Variants in C4orf17 observed in about 807,000 individuals in gnomAD.
The protein encoded by C4orf17 is chromosome 4 open reading frame 17.
In C4orf17, 25 loss-of-function variants were observed where a neutral mutation model predicts 32.0. That is an observed-to-expected ratio of 0.78 (90% CI 0.57 to 1.09). C4orf17 has a LOEUF of 1.09. Ranked by LOEUF, C4orf17 falls within the 50% of genes least tolerant of loss-of-function variation. The pLI, the probability that C4orf17 is intolerant of heterozygous loss-of-function variation, is 0.00. For synonymous variants in C4orf17, 149 were observed against 145.8 expected (o/e 1.02, Z -0.16); for missense variants, 420 against 420.0 (o/e 1.00, Z 0.00).
At chr4:99,512,483 A>G (rs945002767) in intron 1 of C4orf17, among the ~76,000 whole-genome samples, 21 of 152,204 alleles carry the variant, frequency 1.4e-4, no homozygotes, top group African/African-American at 5.1e-4. Context: ...CTCCAGATAC[A>G]TCACTCTTTT....
At chr4:99,521,753 T>C (rs1407050974) in intron 2 of C4orf17, among the ~76,000 whole-genome samples, 3 of 152,194 alleles carry the variant, frequency 2.0e-5, no homozygotes, top group Non-Finnish European at 2.9e-5. Context: ...TCATAACTCA[T>C]TGATTAACAG....
At chr4:99,524,616 T>C (rs1354693838) in intron 4 of C4orf17, 31 bp downstream of exon 4, 3 of 1,330,308 alleles carry the variant, frequency 2.3e-6, no homozygotes, top group Non-Finnish European at 3.2e-6. Flanking sequence ...GCTATCTATT[T>C]AGTTTGACTT....
intron 1 of C4orf17, 70 bp from the exon 2 acceptor site, chr4:99,512,919 G>A (rs1384025487): frequency 4.4e-6 from 3 of 678,642 alleles, no homozygotes; most frequent in Non-Finnish European, 7.2e-6. Flanking sequence ...AAAGAAGATG[G>A]AGAAATGTTT....
chr4:99,522,810 T>C (rs1723316807), intron 3 of C4orf17, 101 bp downstream of exon 3: 1 of 854,022 alleles, frequency 1.2e-6, no homozygotes, highest in East Asian at 2.6e-5. Context: ...GGTTTTTACA[T>C]CAAGTTTCCT....
At position 99,529,809 on chromosome 4, in the gene C4orf17, A is replaced by C; in HGVS notation, c.403-6A>C. ...GTATATTGGTTATATTATACTTTTG[A>C]TTTAGGAAGAAATTAAGGCCAAAAG... On this transcript the variant is annotated splice_region_variant and splice_polypyrimidine_tract_variant and intron_variant, in intron 4 of 8. Transcript: ENST00000326581. 6.2e-7 allele frequency: 1 copy of C among 1,601,332 alleles called. No individual in the cohort carries two copies. Among genetic ancestry groups the C allele is most frequent in the Non-Finnish European group, 8.5e-7 (1 of 1,175,390 alleles).
chr4:99,524,223 C>T (rs1009563211), intron 3 of C4orf17, among the ~76,000 whole-genome samples: 6 of 151,886 alleles, frequency 4.0e-5, no homozygotes, highest in African/African-American at 1.2e-4. Context: ...CCTCGTGATC[C>T]GCCCGCCTTG....
At chr4:99,524,176 C>T (rs186595436) in intron 3 of C4orf17, among the ~76,000 whole-genome samples, 29 of 151,936 alleles carry the variant, frequency 1.9e-4, no homozygotes, top group Admixed American at 5.9e-4. Flanking sequence ...GGAGATGGGA[C>T]TTCACCGTGT....
Position 99,541,901 on chromosome 4 carries a change from C to G in C4orf17, c.881-9C>G, listed in dbSNP as rs1307246751. 1 of 1,599,338 alleles carries G rather than the reference C, an allele frequency of 6.3e-7. No homozygotes were observed. The highest frequency in any genetic ancestry group is 1.4e-5 in the African/African-American group (1 of 74,044). On this transcript the variant is annotated splice_polypyrimidine_tract_variant and intron_variant, in intron 8 of 8. Transcript: ENST00000326581. ...TATGGTCTTATTTAGATTTTTTTCT[C>G]TATTTCAGAGGCTGAGCACAAGCCT... is the stretch of plus-strand genomic sequence containing the variant.
chr4:99,535,811 C>T (rs972854311), intron 5 of C4orf17, among the ~76,000 whole-genome samples: 1 of 152,184 alleles, frequency 6.6e-6, no homozygotes, highest in African/African-American at 2.4e-5. Context: ...GGAGAAGCAG[C>T]ACCCTGGCTT....
At chr4:99,524,127 C>G (rs906866759) in intron 3 of C4orf17, among the ~76,000 whole-genome samples, 1 of 151,716 alleles carries the variant, frequency 6.6e-6, no homozygotes, top group African/African-American at 2.4e-5. Flanking sequence ...CTACAGGCGC[C>G]CGCCACCACG....
At chr4:99,534,122 G>C (rs1723520792) in intron 5 of C4orf17, among the ~76,000 whole-genome samples, 1 of 151,998 alleles carries the variant, frequency 6.6e-6, no homozygotes, top group African/African-American at 2.4e-5. Flanking sequence ...TATTCTTCCT[G>C]ATGCTCTCCC....
At chr4:99,531,396 A>G (rs1375734937) in intron 5 of C4orf17, among the ~76,000 whole-genome samples, 4 of 152,262 alleles carry the variant, frequency 2.6e-5, no homozygotes, top group African/African-American at 9.6e-5. Context: ...AGCTAAATAT[A>G]TAGTTCTCAA....
intron 2 of C4orf17, among the ~76,000 whole-genome samples, chr4:99,517,348 A>C (rs949428212): frequency 9.9e-5 from 15 of 152,134 alleles, no homozygotes; most frequent in African/African-American, 3.6e-4. Context: ...TCCCCAGAAC[A>C]TATTGCTGCA....
chr4:99,527,246 G>A (rs1251772383), intron 4 of C4orf17, among the ~76,000 whole-genome samples: 5 of 152,034 alleles, frequency 3.3e-5, no homozygotes, highest in African/African-American at 7.3e-5. Context: ...TAATCCCATT[G>A]TAGTCAGAGA....
At chr4:99,516,795 A>G (rs1043705642) in intron 2 of C4orf17, among the ~76,000 whole-genome samples, 1 of 152,150 alleles carries the variant, frequency 6.6e-6, no homozygotes, top group Non-Finnish European at 1.5e-5. Context: ...GGGAATTTAT[A>G]TTTCTTCACA....
intron 1 of C4orf17, among the ~76,000 whole-genome samples, chr4:99,512,658 T>C (rs1723112884): frequency 6.6e-6 from 1 of 152,210 alleles, no homozygotes; most frequent in South Asian, 2.1e-4. Flanking sequence ...AAATTTACTA[T>C]ATCAAAATTG....
intron 5 of C4orf17, 87 bp from the exon 6 acceptor site, chr4:99,537,578 TGGGA>T: frequency 1.1e-6 from 1 of 891,706 alleles, no homozygotes; most frequent in Non-Finnish European, 1.8e-6. Flanking sequence ...AAGTGATATT[TGGGA>T]AGATGGGATT....
At chr4:99,526,176 A>C (rs1164128021) in intron 4 of C4orf17, among the ~76,000 whole-genome samples, 1 of 152,190 alleles carries the variant, frequency 6.6e-6, no homozygotes, top group Non-Finnish European at 1.5e-5. Context: ...TTCCATTCCT[A>C]GTGTGCTAAG....
chr4:99,540,558 GA>G, intron 8 of C4orf17, 103 bp downstream of exon 8: 2 of 719,530 alleles, frequency 2.8e-6, no homozygotes, highest in South Asian at 1.8e-5. Context: ...TAAAAAAACA[GA>G]AAAATACAAT....
Sources: gnomAD v4.1 joint callset for allele counts (sites outside exome capture counted in the v4.1 genomes callset) on GRCh38, gnomAD v4.1.1 for gene constraint, MANE v1.5 for transcripts, NCBI Gene and HGNC (gene_info 2026-07-23, HGNC 2026-07-21) for gene names.